The following TRIOBP variants were observed in gnomAD, a reference collection of about 807,000 sequenced individuals.
TRIOBP encodes the protein TRIO and F-actin binding protein, also known as TRIO and F-actin-binding protein.
A neutral mutation model predicts 238.8 loss-of-function variants in TRIOBP; 169 were observed. The observed-to-expected ratio is 0.71, with a 90% confidence interval of 0.62 to 0.80. The LOEUF (loss-of-function observed/expected upper bound fraction) is 0.80, where lower values mean the gene tolerates loss of function less well. Among genes scored for constraint, TRIOBP ranks in the 30% least tolerant of loss-of-function variants. The pLI is 0.00. For synonymous variants in TRIOBP, 1,150 were observed against 1,274.4 expected (o/e 0.90, Z 2.08); for missense variants, 2,838 against 3,122.6 (o/e 0.91, Z 2.17).
chr22:37,743,562 G>A (rs1158015066), intron 11 of TRIOBP, among the ~76,000 whole-genome samples: 1 of 152,150 alleles, frequency 6.6e-6, no homozygotes, highest in Non-Finnish European at 1.5e-5. Flanking sequence ...CCAAGATGTA[G>A]ACAAAAAACA....
Position 37,755,098 on chromosome 22 carries a change from C to T in TRIOBP, c.5488-3C>T, listed in dbSNP as rs771244489. The T allele has an allele frequency of 6.2e-7, 1 of 1,613,536 alleles. No homozygotes were observed. The highest frequency in any genetic ancestry group is 2.2e-5 in the East Asian group (1 of 44,848). ...CGGACCATAGTGGGCCCTCTTGCTC[C>T]AGGCAGATGAGCTGGATGGTGAGAT... On this transcript the variant is annotated splice_polypyrimidine_tract_variant and splice_region_variant and intron_variant, in intron 13 of 23. Transcript: ENST00000644935.
chr22:37,739,924 C>T (rs981446702), intron 10 of TRIOBP, among the ~76,000 whole-genome samples: 7 of 152,230 alleles, frequency 4.6e-5, no homozygotes, highest in Middle Eastern at 3.2e-3. Flanking sequence ...CCTACCCCCA[C>T]CCCTAGGCAG....
chr22:37,727,980 T>A (rs57939071), intron 7 of TRIOBP, among the ~76,000 whole-genome samples: 13,262 of 152,226 alleles, frequency 0.087, 1,956 homozygotes, highest in African/African-American at 0.3. Flanking sequence ...ATGTATATAA[T>A]TCAACGAATT....
intron 14 of TRIOBP, 128 bp downstream of exon 14, chr22:37,755,318 A>G: frequency 9.5e-7 from 1 of 1,057,282 alleles, no homozygotes; most frequent in South Asian, 1.4e-5. Flanking sequence ...CAGAGGCCCT[A>G]TCTTCAGAGC....
At chr22:37,710,218 T>A (rs4821690) in intron 3 of TRIOBP, among the ~76,000 whole-genome samples, 2 of 152,166 alleles carry the variant, frequency 1.3e-5, no homozygotes, top group Non-Finnish European at 2.9e-5. Flanking sequence ...ATGTGTACAC[T>A]CACGTGTGCA....
intron 7 of TRIOBP, among the ~76,000 whole-genome samples, chr22:37,726,840 A>G (rs1162437052): frequency 6.6e-6 from 1 of 152,046 alleles, no homozygotes; most frequent in Admixed American, 6.5e-5. Context: ...CAGTTTCCTC[A>G]TCTGTAAGGG....
intron 3 of TRIOBP, among the ~76,000 whole-genome samples, chr22:37,704,369 T>C (rs1283064307): frequency 6.8e-6 from 1 of 146,292 alleles, no homozygotes; most frequent in Non-Finnish European, 1.5e-5. Context: ...GGTGACAGAG[T>C]TGGACCCTGA....
intron 17 of TRIOBP, among the ~76,000 whole-genome samples, chr22:37,764,345 G>GT: frequency 6.6e-6 from 1 of 152,254 alleles, no homozygotes; most frequent in South Asian, 2.1e-4. Flanking sequence ...GTTTGTTCCC[G>GT]TGAGTGAGAT....
At chr22:37,697,324 A>T (rs967640176) in intron 1 of TRIOBP, among the ~76,000 whole-genome samples, 37 of 152,176 alleles carry the variant, frequency 2.4e-4, no homozygotes, top group African/African-American at 8.9e-4. Context: ...AAACGGGAGC[A>T]GCGAGGGGCA....
chr22:37,736,985 G>A (rs1268399637), intron 9 of TRIOBP, among the ~76,000 whole-genome samples: 1 of 152,200 alleles, frequency 6.6e-6, no homozygotes, highest in Non-Finnish European at 1.5e-5. Context: ...GAGGACTGGA[G>A]AACCCTCTCC....
chr22:37,756,002 C>A (rs939937738), intron 15 of TRIOBP, among the ~76,000 whole-genome samples: 1 of 152,212 alleles, frequency 6.6e-6, no homozygotes, highest in Non-Finnish European at 1.5e-5. Context: ...AGCCTTGGCG[C>A]CCACACCTCC....
intron 11 of TRIOBP, among the ~76,000 whole-genome samples, chr22:37,744,035 G>A (rs1925094608): frequency 1.5e-5 from 2 of 135,360 alleles, no homozygotes; most frequent in South Asian, 2.3e-4. Context: ...ATGGAGTCTC[G>A]CTCTGTTGCC....
intron 3 of TRIOBP, among the ~76,000 whole-genome samples, chr22:37,706,977 C>T (rs1364163237): frequency 6.6e-6 from 1 of 151,942 alleles, no homozygotes; most frequent in East Asian, 1.9e-4. Flanking sequence ...TAGTAAAAAA[C>T]TGACACTGGG....
chr22:37,774,064 A>G lies in TRIOBP; in HGVS notation c.*284A>G, dbSNP rs1191689001. 1 of 150,232 alleles carries G rather than the reference A, an allele frequency of 6.7e-6. No individual in the cohort carries two copies. The highest frequency in any genetic ancestry group is 2.5e-5 in the African/African-American group (1 of 40,420). 9.3% of individuals were successfully genotyped at this position (150,232 alleles called of 1,614,324 possible). ...CACCTTGCACCTTCTTCAGGATTTT[A>G]TATGTGAAGAGATTTTTATATAGAT... is the stretch of plus-strand genomic sequence containing the variant. On this transcript the variant is annotated 3_prime_UTR_variant, in exon 24 of 24. Transcript: ENST00000644935.
In TRIOBP at chr22:37,765,827, C is replaced by CG. The variant is rs1926464827; in HGVS notation, c.6472+10_6472+11insG. The CG allele has an allele frequency of 6.0e-6, 9 of 1,509,196 alleles. No individual in the cohort carries two copies. Among genetic ancestry groups the CG allele is most frequent in the Non-Finnish European group, 7.0e-6 (8 of 1,140,602 alleles). 93.5% of individuals were successfully genotyped at this position (1,509,196 alleles called of 1,614,324 possible). ...GCAGCCACGGCCTCAGGTATGGACC[C>CG]TGGGGGGGGCACAGTGGGCTGGGCT... On this transcript the variant is annotated intron_variant, in intron 18 of 23. Transcript: ENST00000644935.
At chr22:37,716,377 G>A (rs1488836513) in intron 6 of TRIOBP, among the ~76,000 whole-genome samples, 1 of 151,754 alleles carries the variant, frequency 6.6e-6, no homozygotes, top group Non-Finnish European at 1.5e-5. Flanking sequence ...CTCCTAAATT[G>A]CCGGGATTAC....
Position 37,772,940 on chromosome 22 carries a change from C to T in TRIOBP, c.*2+176C>T, listed in dbSNP as rs569592670. 1.6e-4 allele frequency among the ~76,000 whole-genome samples: 25 copies of T among 152,314 alleles called. No individual in the cohort carries two copies. In the South Asian group the frequency reaches 4.8e-3, roughly 29 times the overall value. ...GTTGTTGCAGAGATCCCATCAGACC[C>T]GGGCCACAGGCTGCTTCATCAGCTT... On this transcript the variant is annotated intron_variant, in intron 23 of 23. Transcript: ENST00000644935.
At chr22:37,746,228 A>G (rs1327113721) in intron 11 of TRIOBP, 1 of 1,094,504 alleles carries the variant, frequency 9.1e-7, no homozygotes, top group African/African-American at 1.7e-5. Context: ...AAAAAAAAAA[A>G]AAAAGTTTTA....
At chr22:37,759,959 G>A (rs564054179) in intron 17 of TRIOBP, 22 of 220,698 alleles carry the variant, frequency 1.0e-4, no homozygotes, top group African/African-American at 1.6e-4. Flanking sequence ...TGTGAATTCC[G>A]TACAGCAAAT....
Sources: gnomAD v4.1 joint callset for allele counts (sites outside exome capture counted in the v4.1 genomes callset) on GRCh38, gnomAD v4.1.1 for gene constraint, MANE v1.5 for transcripts, NCBI Gene and HGNC (gene_info 2026-07-23, HGNC 2026-07-21) for gene names.